Variants in ATP8B4 observed in about 807,000 individuals in gnomAD.
ATP8B4 encodes the protein ATPase phospholipid transporting 8B4 (putative).
A neutral mutation model predicts 145.6 loss-of-function variants in ATP8B4; 133 were observed. The observed-to-expected ratio is 0.91, with a 90% CI of 0.79 to 1.05. The LOEUF (loss-of-function observed/expected upper bound fraction) is 1.05. ATP8B4 is among the 50% of genes least tolerant of loss of function. The probability of loss-of-function intolerance (pLI) is 0.00; values close to 1 mark genes in which losing one functional copy is unlikely to be tolerated. For missense variants in ATP8B4, 1,458 were observed against 1,425.2 expected (o/e 1.02, Z -0.37); for synonymous variants, 507 against 492.9 (o/e 1.03, Z -0.38).
At chr15:50,138,538 C>T (rs2044163584) in intron 1 of ATP8B4, among the ~76,000 whole-genome samples, 1 of 152,058 alleles carries the variant, frequency 6.6e-6, no homozygotes, top group Admixed American at 6.6e-5. Context: ...CACCTAAACA[C>T]CCTAAAAGGC....
chr15:49,866,349 CA>C lies in ATP8B4; in HGVS notation c.3162del (p.Phe1054LeufsTer9). On this transcript the variant is annotated frameshift_variant, in exon 26 of 28. Coordinates refer to ENST00000284509, the MANE Select transcript of ATP8B4 (RefSeq NM_024837.4). LOFTEE classifies it high-confidence loss of function. ...CTAGTCAACATGACTCACTTACCAA[CA>C]AATGGAAACTGGTTTGGGAAGATGC... ...IFGIFPNQFP[F>X]VGNARHSLTQ... 1 of 1,613,710 alleles carries C rather than the reference CA, an allele frequency of 6.2e-7. No individual in the cohort carries two copies. Among genetic ancestry groups the C allele is most frequent in the Non-Finnish European group, 8.5e-7 (1 of 1,179,734 alleles).
chr15:50,173,028 G>A (rs1018167909), intron 1 of ATP8B4, among the ~76,000 whole-genome samples: 8 of 124,606 alleles, frequency 6.4e-5, no homozygotes, highest in East Asian at 2.1e-4. Context: ...GCCCCCATCC[G>A]GGAGGTGGGG....
At chr15:49,949,170 T>G (rs1029176433) in intron 14 of ATP8B4, among the ~76,000 whole-genome samples, 1 of 152,230 alleles carries the variant, frequency 6.6e-6, no homozygotes, top group Non-Finnish European at 1.5e-5. Context: ...CGATTCCATA[T>G]GAAATTTAAC....
intron 1 of ATP8B4, among the ~76,000 whole-genome samples, chr15:50,115,882 C>T (rs2057146458): frequency 1.3e-5 from 2 of 152,184 alleles, no homozygotes; most frequent in South Asian, 4.1e-4. Flanking sequence ...CCTGTGGTTG[C>T]TCCTGCAGGT....
At chr15:50,123,923 G>C (rs147715723), upstream of ATP8B4, among the ~76,000 whole-genome samples, 1 of 152,156 alleles carries the variant, frequency 6.6e-6, no homozygotes, top group Non-Finnish European at 1.5e-5. Flanking sequence ...TTAAAGGGAT[G>C]ATATCAATAA....
At chr15:49,940,829 T>C (rs981195212) in intron 14 of ATP8B4, among the ~76,000 whole-genome samples, 3 of 152,184 alleles carry the variant, frequency 2.0e-5, no homozygotes, top group African/African-American at 7.2e-5. Context: ...AGGAGGAATT[T>C]TCAGGCAGAG....
At chr15:49,942,686 G>A (rs193085016) in intron 14 of ATP8B4, among the ~76,000 whole-genome samples, 51 of 152,056 alleles carry the variant, frequency 3.4e-4, no homozygotes, top group Non-Finnish European at 6.0e-4. Flanking sequence ...TTAGCTGGAC[G>A]AGGTGGCAGG....
chr15:49,890,282 T>A (rs1287606822), intron 23 of ATP8B4, among the ~76,000 whole-genome samples: 1 of 152,158 alleles, frequency 6.6e-6, no homozygotes, highest in African/African-American at 2.4e-5. Flanking sequence ...ACAGAGAAAG[T>A]GATGGAAGAT....
In ATP8B4 at chr15:50,131,953, A is replaced by G. The variant is rs1029400217; in HGVS notation, c.-42-24945T>C. Among the ~76,000 whole-genome samples, 7 of 152,044 alleles carry G rather than the reference A, an allele frequency of 4.6e-5. No homozygotes were observed. In the South Asian group the frequency reaches 1.5e-3, roughly 32 times the overall value. On this transcript the variant is annotated intron_variant, in intron 1 of 3. Transcript: ENST00000558829. ...TGTTCTGGAAATTTAACCTGATTAT[A>G]TTTATATTAGTCCAAATTCTTATTA...
chr15:50,147,420 CAAAAA>C (rs11346792), intron 1 of ATP8B4, among the ~76,000 whole-genome samples: 30,024 of 122,872 alleles, frequency 0.24, 3,767 homozygotes, highest in East Asian at 0.42. Flanking sequence ...ACACTGTCTC[CAAAAA>C]AAAAAAAAAA....
chr15:49,898,671 TTTG>T (rs1306759260), intron 21 of ATP8B4, among the ~76,000 whole-genome samples: 1 of 152,194 alleles, frequency 6.6e-6, no homozygotes, highest in East Asian at 1.9e-4. Context: ...TGATGGGCTT[TTTG>T]TTTCTTTGCA....
At chr15:49,917,410 T>G (rs920890207) in intron 19 of ATP8B4, 1 of 166,072 alleles carries the variant, frequency 6.0e-6, no homozygotes, top group Non-Finnish European at 1.3e-5. Flanking sequence ...TTGGGAGAGA[T>G]AAACTACTAA....
At chr15:50,093,161 G>T (rs2055720927) in intron 2 of ATP8B4, among the ~76,000 whole-genome samples, 1 of 151,342 alleles carries the variant, frequency 6.6e-6, no homozygotes, top group Non-Finnish European at 1.5e-5. Context: ...CTGACAAAAA[G>T]TGATAGAATT....
intron 1 of ATP8B4, among the ~76,000 whole-genome samples, chr15:50,148,413 G>A (rs2044306108): frequency 6.6e-6 from 1 of 152,166 alleles, no homozygotes; most frequent in African/African-American, 2.4e-5. Flanking sequence ...AAATGTAGGT[G>A]TTGCCAATAT....
At position 49,963,152 on chromosome 15, in the gene ATP8B4, C is replaced by A. The variant is rs147124203; in HGVS notation, c.1244-1132G>T. Among the ~76,000 whole-genome samples, 585 of 152,060 alleles carry A rather than the reference C, an allele frequency of 3.8e-3. 3 individuals are homozygous for A. The highest frequency in any genetic ancestry group is 0.013 in the African/African-American group (555 of 41,484). Reference sequence around the variant, plus strand: ...TCAAAAGAAGAATAAATGGGGACAACAAAAATATGAAAAAAAGCTTAACAT... The same window carrying A: ...TCAAAAGAAGAATAAATGGGGACAAAAAAAATATGAAAAAAAGCTTAACAT... On this transcript the variant is annotated intron_variant, in intron 13 of 27. Transcript: ENST00000284509.
intron 9 of ATP8B4, among the ~76,000 whole-genome samples, chr15:49,990,073 T>A (rs1478044808): frequency 6.6e-6 from 1 of 151,954 alleles, no homozygotes; most frequent in Non-Finnish European, 1.5e-5. Flanking sequence ...GACTAGAAAA[T>A]CAAATAGCCC....
At chr15:50,098,942 T>C (rs949890956) in intron 2 of ATP8B4, among the ~76,000 whole-genome samples, 1 of 152,208 alleles carries the variant, frequency 6.6e-6, no homozygotes. Flanking sequence ...ATATTTGTCT[T>C]TATACTGACA....
intron 2 of ATP8B4, among the ~76,000 whole-genome samples, chr15:50,077,202 G>A (rs2054236262): frequency 6.6e-6 from 1 of 152,218 alleles, no homozygotes; most frequent in African/African-American, 2.4e-5. Context: ...AATATATAAG[G>A]ATGTATAAAA....
chr15:50,153,465 A>C (rs764210196), intron 1 of ATP8B4, among the ~76,000 whole-genome samples: 9 of 151,998 alleles, frequency 5.9e-5, no homozygotes, highest in Admixed American at 3.3e-4. Context: ...CCATCTCCTG[A>C]GTAGCGGGAA....
Sources: gnomAD v4.1 joint callset for allele counts (sites outside exome capture counted in the v4.1 genomes callset) on GRCh38, gnomAD v4.1.1 for gene constraint, MANE v1.5 for transcripts, NCBI Gene and HGNC (gene_info 2026-07-23, HGNC 2026-07-21) for gene names.